Variants in EBF2 observed in about 807,000 individuals in gnomAD.
EBF2 encodes EBF transcription factor 2.
EBF2 carries 21 observed loss-of-function variants against 72.8 expected under a neutral mutation model. The observed-to-expected ratio is 0.29, with a 90% CI of 0.20 to 0.42. The LOEUF (loss-of-function observed/expected upper bound fraction) is 0.42, where lower values mean the gene tolerates loss of function less well. EBF2 is among the 10% of genes least tolerant of loss of function. The pLI, the probability that EBF2 is intolerant of heterozygous loss-of-function variation, is 1.00. For missense variants in EBF2, 637 were observed against 731.2 expected, an observed-to-expected ratio of 0.87 and a Z score of 1.49; for synonymous variants, 299 against 274.2, an observed-to-expected ratio of 1.09 and a Z score of -0.89.
intron 1 of EBF2, 109 bp from the exon 2 acceptor site, chr8:26,042,360 C>A (rs1048765402): frequency 2.0e-5 from 27 of 1,360,340 alleles, no homozygotes; most frequent in Non-Finnish European, 2.6e-5. Context: ...CTTCCCAGGT[C>A]CAGAGTTCTG....
Position 26,044,788 on chromosome 8 carries a change from A to C in EBF2, c.72T>G (p.Asp24Glu), listed in dbSNP as rs371387258. Residue 24 changes from aspartate to glutamate, a missense_variant, in exon 1 of 16, where the codon GAT becomes GAG. Physicochemically the swap from Asp to Glu is conservative, Grantham distance 45. Coordinates refer to ENST00000520164, the MANE Select transcript of EBF2 (RefSeq NM_022659.4). The surrounding 1 kb of genome is among the most constrained non-coding windows in gnomAD (Gnocchi z 4.1). ...CATTCCGGACCCAGGACCTGACCGA[A>C]TCCATCTCCGCGCCCAGCGATTTCT... is the stretch of plus-strand genomic sequence containing the variant. ...LKEKSLGAEM[D>E]SVRSWVRNVG... 6.8e-6 allele frequency: 11 copies of C among 1,613,978 alleles called. No individual in the cohort carries two copies. The highest frequency in any genetic ancestry group is 9.3e-6 in the Non-Finnish European group (11 of 1,180,022).
chr8:25,860,933 G>T, intron 13 of EBF2, 116 bp downstream of exon 13: 1 of 1,080,474 alleles, frequency 9.3e-7, no homozygotes, highest in Non-Finnish European at 1.4e-6. Context: ...TGATTGTATT[G>T]CCTATCTGTG....
chr8:26,003,189 G>A (rs964979739), intron 6 of EBF2, among the ~76,000 whole-genome samples: 20 of 152,112 alleles, frequency 1.3e-4, no homozygotes, highest in Non-Finnish European at 1.3e-4. Context: ...TGGACTGGGA[G>A]GGTTCCATGG....
chr8:25,924,337 A>G (rs11988074), intron 6 of EBF2, among the ~76,000 whole-genome samples: 11,363 of 152,232 alleles, frequency 0.075, 1,473 homozygotes, highest in African/African-American at 0.26. Context: ...TAACCATGAC[A>G]CACTTAGCAA....
chr8:25,998,342 G>C (rs1804670353), intron 6 of EBF2, among the ~76,000 whole-genome samples: 1 of 152,222 alleles, frequency 6.6e-6, no homozygotes, highest in African/African-American at 2.4e-5. Context: ...ATCAGTGTCA[G>C]GAGAAGAGAG....
At position 25,984,510 on chromosome 8, in the gene EBF2, C is replaced by T. The variant is rs575054810; in HGVS notation, c.551+48575G>A. On this transcript the variant is annotated intron_variant, in intron 6 of 15. Coordinates refer to ENST00000520164, the MANE Select transcript of EBF2 (RefSeq NM_022659.4). ...ACAGCTGGTCAATGTGGAGAAACCC[C>T]GTCTCTACCAAAAATTTAAAAATTA... is the stretch of plus-strand genomic sequence containing the variant. Among the ~76,000 whole-genome samples the T allele has an allele frequency of 3.3e-5, 5 of 152,218 alleles. No homozygotes were observed. In the South Asian group the frequency reaches 6.2e-4, roughly 19 times the overall value.
At chr8:25,935,566 C>CT (rs1208253286) in intron 6 of EBF2, among the ~76,000 whole-genome samples, 1 of 152,164 alleles carries the variant, frequency 6.6e-6, no homozygotes, top group Non-Finnish European at 1.5e-5. Context: ...CCACCCTACC[C>CT]TTTGTCTGGG....
intron 6 of EBF2, among the ~76,000 whole-genome samples, chr8:26,004,124 A>G (rs1563205090): frequency 6.6e-6 from 1 of 151,816 alleles, no homozygotes; most frequent in African/African-American, 2.4e-5. Context: ...AAAGAAAAAA[A>G]AAAAGGATTA....
intron 14 of EBF2, among the ~76,000 whole-genome samples, chr8:25,853,758 T>A (rs924988989): frequency 2.0e-5 from 3 of 152,152 alleles, no homozygotes; most frequent in Admixed American, 6.5e-5. Flanking sequence ...ACATTATATT[T>A]AGCCTATACA....
intron 6 of EBF2, among the ~76,000 whole-genome samples, chr8:26,010,512 A>C (rs1804960299): frequency 6.6e-6 from 1 of 152,214 alleles, no homozygotes; most frequent in Non-Finnish European, 1.5e-5. Flanking sequence ...AACAAAACCC[A>C]GTAGCGGCTA....
At chr8:25,884,849 C>G (rs1332902354) in intron 10 of EBF2, among the ~76,000 whole-genome samples, 1 of 152,078 alleles carries the variant, frequency 6.6e-6, no homozygotes, top group Non-Finnish European at 1.5e-5. Context: ...CAAAAATTAC[C>G]TCTTTCCATC....
Position 25,841,731 on chromosome 8 carries a change from C to A in EBF2, c.*2878G>T, listed in dbSNP as rs1747001633. On this transcript the variant is annotated 3_prime_UTR_variant, in exon 16 of 16. Transcript: ENST00000520164. ...AAAAGCAAAGGTCCACTCATTTTTA[C>A]AGTACAAAAATTTTATTTTTTTGTT... 2.0e-5 allele frequency: 3 copies of A among 152,080 alleles called. No homozygotes were observed. The highest frequency in any genetic ancestry group is 2.0e-4 in the Admixed American group (3 of 15,276). 9.4% of individuals were successfully genotyped at this position (152,080 alleles called of 1,614,324 possible). A position where few individuals can be genotyped will look rare whatever the true frequency, so the allele number is the denominator to read the frequency against.
At chr8:25,892,223 T>C (rs1335167270) in intron 7 of EBF2, among the ~76,000 whole-genome samples, 1 of 152,244 alleles carries the variant, frequency 6.6e-6, no homozygotes, top group Non-Finnish European at 1.5e-5. Context: ...TATAAAAAGA[T>C]ATTGAAATAA....
At chr8:25,858,904 C>CA (rs1802155958) in intron 13 of EBF2, among the ~76,000 whole-genome samples, 1 of 151,990 alleles carries the variant, frequency 6.6e-6, no homozygotes, top group Non-Finnish European at 1.5e-5. Context: ...CATGATCCAC[C>CA]AGCCTCAGCC....
At chr8:25,891,210 G>A (rs1802773194) in intron 7 of EBF2, among the ~76,000 whole-genome samples, 1 of 152,134 alleles carries the variant, frequency 6.6e-6, no homozygotes, top group Non-Finnish European at 1.5e-5. Context: ...CAGATCAGGG[G>A]TGGGGGAGAA....
At chr8:25,853,343 G>C (rs1377251476) in intron 14 of EBF2, among the ~76,000 whole-genome samples, 1 of 151,122 alleles carries the variant, frequency 6.6e-6, no homozygotes, top group Non-Finnish European at 1.5e-5. Context: ...ATTGGAAAAA[G>C]AAAAACGCCC....
chr8:25,950,379 G>A (rs187345808), intron 6 of EBF2, among the ~76,000 whole-genome samples: 16 of 152,234 alleles, frequency 1.1e-4, no homozygotes, highest in African/African-American at 3.1e-4. Context: ...TCTCAATTCC[G>A]GTAAAAGGCT....
chr8:25,954,963 G>T (rs1006505846), intron 6 of EBF2, among the ~76,000 whole-genome samples: 3 of 152,226 alleles, frequency 2.0e-5, no homozygotes, highest in Non-Finnish European at 4.4e-5. Flanking sequence ...TGGGGTCTGT[G>T]CTGCGAGGAC....
At chr8:26,040,347 A>C (rs1805577532) in intron 4 of EBF2, among the ~76,000 whole-genome samples, 1 of 152,106 alleles carries the variant, frequency 6.6e-6, no homozygotes, top group Non-Finnish European at 1.5e-5. Context: ...TGAATCTCCC[A>C]ATAATTGTTT....
Sources: allele counts gnomAD v4.1 joint callset (sites outside exome capture counted in the v4.1 genomes callset), GRCh38; gene constraint gnomAD v4.1.1; non-coding constraint Gnocchi (gnomAD v3.1); transcripts MANE v1.5; gene names NCBI Gene and HGNC (gene_info 2026-07-23, HGNC 2026-07-21).